The following ZHX2 variants were observed in gnomAD, a reference collection of about 807,000 sequenced individuals.
ZHX2 encodes zinc fingers and homeoboxes protein 2.
In ZHX2, 6 loss-of-function variants were observed where a neutral mutation model predicts 21.9. The ratio of observed to expected loss-of-function variants is 0.27; its 90% CI spans 0.15 to 0.54. The LOEUF (loss-of-function observed/expected upper bound fraction) is 0.54, where lower values mean the gene tolerates loss of function less well. Among genes scored for constraint, ZHX2 ranks in the 20% least tolerant of loss-of-function variants. The pLI, the probability that ZHX2 is intolerant of heterozygous loss-of-function variation, is 0.95. For synonymous variants in ZHX2, 434 were observed against 437.1 expected (o/e 0.99, Z 0.09); for missense variants, 908 against 1,090.7 (o/e 0.83, Z 2.36).
chr8:122,829,421 T>C (rs1218904338), intron 1 of ZHX2, among the ~76,000 whole-genome samples: 2 of 152,260 alleles, frequency 1.3e-5, no homozygotes, highest in Non-Finnish European at 2.9e-5. Context: ...AGTTGGGTAA[T>C]GAACTATGCT....
intron 1 of ZHX2, among the ~76,000 whole-genome samples, chr8:122,824,926 A>G (rs1403010929): frequency 6.6e-6 from 1 of 152,154 alleles, no homozygotes; most frequent in Non-Finnish European, 1.5e-5. Context: ...GCCCCCGTCC[A>G]TCTTCAAAGC....
At chr8:122,940,854 C>T (rs1318760218) in intron 2 of ZHX2, among the ~76,000 whole-genome samples, 1 of 152,142 alleles carries the variant, frequency 6.6e-6, no homozygotes, top group East Asian at 1.9e-4. Context: ...TTCAGCAAGC[C>T]ATCGAACCTC....
chr8:122,870,338 G>A (rs1028095426), intron 2 of ZHX2, among the ~76,000 whole-genome samples: 2 of 151,976 alleles, frequency 1.3e-5, no homozygotes, highest in African/African-American at 2.4e-5. Flanking sequence ...GGCTTAGAAA[G>A]GTGAGCTGGT....
rs976775175 is a variant in ZHX2, at chr8:122,840,153, G to T, written c.-282-23324G>T. On this transcript the variant is annotated intron_variant, in intron 1 of 3. Coordinates refer to ENST00000314393, the MANE Select transcript of ZHX2 (RefSeq NM_014943.5). The stretch of plus-strand genomic sequence containing the variant: ...TCCTGAGACGTGCTTCCTGCACTAG[G>T]AATAATTTAGTAGATTTTGAATTTG... 6.6e-5 allele frequency among the ~76,000 whole-genome samples: 10 copies of T among 152,262 alleles called. No individual in the cohort carries two copies. The South Asian group carries it at 1.0e-3, about 16-fold the overall frequency.
intron 2 of ZHX2, among the ~76,000 whole-genome samples, chr8:122,876,419 T>C: frequency 6.6e-6 from 1 of 152,132 alleles, no homozygotes; most frequent in Non-Finnish European, 1.5e-5. Context: ...TAAATGAAAA[T>C]TATGCTCCTG....
At chr8:122,928,370 G>C (rs534456553) in intron 2 of ZHX2, among the ~76,000 whole-genome samples, 33 of 152,286 alleles carry the variant, frequency 2.2e-4, no homozygotes, top group African/African-American at 7.7e-4. Flanking sequence ...GAAAATATTT[G>C]GCAAGGAGAA....
chr8:122,967,067 C>G (rs957379845), intron 3 of ZHX2, among the ~76,000 whole-genome samples: 1 of 152,096 alleles, frequency 6.6e-6, no homozygotes, highest in African/African-American at 2.4e-5. Context: ...ATTGTTGTTT[C>G]AATGTCTTTA....
At chr8:122,819,783 G>A (rs1385450150) in intron 1 of ZHX2, among the ~76,000 whole-genome samples, 2 of 152,252 alleles carry the variant, frequency 1.3e-5, no homozygotes, top group African/African-American at 4.8e-5. Flanking sequence ...CTCCAGGCTT[G>A]GCTTCCAGAA....
At position 122,791,553 on chromosome 8, in the gene ZHX2, A is replaced by C. The variant is rs369082852; in HGVS notation, c.-283+9607A>C. ...GTGAGCAACAGATACTTATCTGATC[A>C]TAATAATAAGTGTGAAGATGATGTA... On this transcript the variant is annotated intron_variant, in intron 1 of 3. Transcript: ENST00000314393. Among the ~76,000 whole-genome samples, 94 of 152,308 alleles carry C rather than the reference A, an allele frequency of 6.2e-4. 2 individuals carry two copies. In the South Asian group the frequency reaches 0.019, roughly 30 times the overall value.
intron 2 of ZHX2, among the ~76,000 whole-genome samples, chr8:122,876,641 G>T (rs187001539): frequency 7.2e-5 from 11 of 152,272 alleles, no homozygotes; most frequent in Admixed American, 5.2e-4. Flanking sequence ...ATGTCACAAC[G>T]GCTCCACGAG....
intron 2 of ZHX2, among the ~76,000 whole-genome samples, chr8:122,903,012 C>A (rs372220490): frequency 2.0e-5 from 3 of 152,194 alleles, no homozygotes; most frequent in Middle Eastern, 3.2e-3. Context: ...ACTGGGCATC[C>A]ATTACCAGAG....
At position 122,952,051 on chromosome 8, in the gene ZHX2, G is replaced by A; in HGVS notation, c.541G>A (p.Val181Met). The change falls in exon 3 of 4, where the codon GTG becomes ATG. Residue 181 changes from valine to methionine, a missense_variant. Around this residue, in one of 4 missense-constraint regions of ZHX2, gnomAD observed 220 missense variants for 251.4 expected, o/e 0.88. Coordinates refer to ENST00000314393, the MANE Select transcript of ZHX2 (RefSeq NM_014943.5). The surrounding 1 kb of genome is among the most constrained non-coding windows in gnomAD (Gnocchi z 6.9). ...GTGDSDSGISVSKTPIMKPGK... is the reference protein window; with the variant it reads ...GTGDSDSGISMSKTPIMKPGK... ...TGGTGACAGTGATTCTGGGATCTCG[G>A]TGAGTAAAACCCCCATCATGAAGCC... The A allele has an allele frequency of 6.2e-7, 1 of 1,613,446 alleles. No homozygotes were observed. Among genetic ancestry groups the A allele is most frequent in the Non-Finnish European group, 8.5e-7 (1 of 1,179,992 alleles).
intron 1 of ZHX2, chr8:122,809,146 A>G (rs1817878290): frequency 1.3e-5 from 2 of 152,312 alleles, no homozygotes; most frequent in Admixed American, 1.3e-4. Context: ...TTACATCATA[A>G]CAGAGAGATG....
Position 122,973,486 on chromosome 8 carries a change from T to C in ZHX2, c.*249T>C, listed in dbSNP as rs1229827441. On this transcript the variant is annotated 3_prime_UTR_variant, in exon 4 of 4. Transcript: ENST00000314393. ...GTTTTCAATGGGTCCTTGTACATAG[T>C]TTGCTCCTCTGCCCTAGCCCTCACC... is the stretch of plus-strand genomic sequence containing the variant. 6.6e-6 allele frequency: 1 copy of C among 152,658 alleles called. No individual in the cohort carries two copies. The highest frequency in any genetic ancestry group is 1.5e-5 in the Non-Finnish European group (1 of 68,064). 9.5% of individuals were successfully genotyped at this position (152,658 alleles called of 1,614,324 possible).
At chr8:122,812,453 A>T (rs892814931) in intron 1 of ZHX2, among the ~76,000 whole-genome samples, 9 of 152,206 alleles carry the variant, frequency 5.9e-5, no homozygotes, top group Admixed American at 2.0e-4. Flanking sequence ...TACCCAGAGT[A>T]GGGAAGCAAC....
chr8:122,959,096 T>C (rs536469092), intron 3 of ZHX2, among the ~76,000 whole-genome samples: 2 of 152,164 alleles, frequency 1.3e-5, no homozygotes, highest in African/African-American at 4.8e-5. Flanking sequence ...ATTCTGAGGC[T>C]CAGGAACCTG....
At chr8:122,788,419 G>T (rs954658317) in intron 1 of ZHX2, among the ~76,000 whole-genome samples, 2 of 151,806 alleles carry the variant, frequency 1.3e-5, no homozygotes, top group Admixed American at 6.6e-5. Context: ...ACTAAAAAAT[G>T]AACTGGGCGT....
chr8:122,803,651 C>T (rs1023647241), intron 1 of ZHX2, among the ~76,000 whole-genome samples: 1 of 152,248 alleles, frequency 6.6e-6, no homozygotes, highest in African/African-American at 2.4e-5. Context: ...CCTCTTCCCC[C>T]ATGGAGAACC....
Position 122,827,965 on chromosome 8 carries a change from T to A in ZHX2, c.-282-35512T>A, listed in dbSNP as rs143239837. ...CTGCCTCTACAAAAAAATTTAAAAA[T>A]TAGTTGGACATGTTGGTGCACAACT... On this transcript the variant is annotated intron_variant, in intron 1 of 3. Transcript: ENST00000314393. 6.4e-3 allele frequency among the ~76,000 whole-genome samples: 977 copies of A among 152,196 alleles called. 6 individuals are homozygous for A. The highest frequency in any genetic ancestry group is 0.014 in the Middle Eastern group (4 of 294).
Sources: allele counts gnomAD v4.1 joint callset (sites outside exome capture counted in the v4.1 genomes callset), GRCh38; gene constraint gnomAD v4.1.1; regional missense constraint gnomAD v4.1.1; non-coding constraint Gnocchi (gnomAD v3.1); transcripts MANE v1.5; gene names NCBI Gene and HGNC (gene_info 2026-07-23, HGNC 2026-07-21).